SLC24A3: variants seen among roughly 807,000 people sequenced by gnomAD.
The protein encoded by SLC24A3 is solute carrier family 24 member 3, also known as sodium/potassium/calcium exchanger 3.
Under a neutral mutation model 75.8 loss-of-function variants are expected in SLC24A3, and 28 were observed. The observed-to-expected ratio is 0.37, with a 90% CI of 0.27 to 0.51. The LOEUF (loss-of-function observed/expected upper bound fraction) is 0.51. Ranked by LOEUF, SLC24A3 falls within the 20% of genes least tolerant of loss-of-function variation. SLC24A3 has a pLI of 0.94. For missense variants in SLC24A3, 663 were observed against 847.8 expected, an observed-to-expected ratio of 0.78 and a Z score of 2.71; for synonymous variants, 372 against 334.1, an observed-to-expected ratio of 1.11 and a Z score of -1.24.
intron 2 of SLC24A3, among the ~76,000 whole-genome samples, chr20:19,418,079 G>T (rs1002696630): frequency 2.6e-5 from 4 of 152,128 alleles, no homozygotes; most frequent in African/African-American, 7.2e-5. Context: ...CACAGAAACA[G>T]AGCTTTCAGT....
intron 12 of SLC24A3, among the ~76,000 whole-genome samples, chr20:19,685,860 C>T (rs1568697871): frequency 6.6e-6 from 1 of 152,140 alleles, no homozygotes; most frequent in African/African-American, 2.4e-5. Flanking sequence ...AGGAAATAGG[C>T]AGTCCATCAG....
intron 2 of SLC24A3, among the ~76,000 whole-genome samples, chr20:19,515,141 T>G (rs1304470396): frequency 1.3e-5 from 2 of 152,220 alleles, no homozygotes; most frequent in African/African-American, 4.8e-5. Context: ...ATTTGCAATA[T>G]AGTAGTTCAC....
Position 19,721,256 on chromosome 20 carries a change from C to A in SLC24A3, c.*116C>A. The A allele has an allele frequency of 7.5e-7, 1 of 1,339,882 alleles. No individual in the cohort carries two copies. The highest frequency in any genetic ancestry group is 1.0e-6 in the Non-Finnish European group (1 of 980,318). 83.0% of individuals were successfully genotyped at this position (1,339,882 alleles called of 1,614,324 possible). On this transcript the variant is annotated 3_prime_UTR_variant, in exon 17 of 17. Transcript: ENST00000328041. ...CGGCGTTCGTCTCTCCTGTGCTGTC[C>A]TCAGGCCTCCGCTCCTGTTTTGGTG...
chr20:19,685,143 C>A lies in SLC24A3; in HGVS notation c.1106C>A (p.Ser369Tyr). 6.2e-7 allele frequency: 1 copy of A among 1,613,674 alleles called. No individual in the cohort carries two copies. Among genetic ancestry groups the A allele is most frequent in the African/African-American group, 1.3e-5 (1 of 75,012 alleles). ...INSRAYTNGE[S>Y]EVAIKIPIKH... is the part of the protein sequence containing the mutation. ...AGCAGGGCTTATACCAACGGGGAAT[C>A]TGAGGTGGCCATCAAAATCCCAATT... The change falls in exon 12 of 17, where the codon TCT becomes TAT. Residue 369 changes from serine (S) to tyrosine (Y), a missense_variant. By Grantham distance (144) the Ser-to-Tyr change is moderately radical. Around this residue, in one of 2 missense-constraint regions of SLC24A3, gnomAD observed 510 missense variants for 703.6 expected, o/e 0.72. Transcript: ENST00000328041.
intron 15 of SLC24A3, among the ~76,000 whole-genome samples, chr20:19,704,011 A>G (rs925545505): frequency 3.3e-5 from 5 of 152,316 alleles, no homozygotes; most frequent in African/African-American, 1.2e-4. Context: ...GCTTACCTTT[A>G]CCCCTTGGTC....
intron 2 of SLC24A3, among the ~76,000 whole-genome samples, chr20:19,342,871 C>T (rs1163328534): frequency 6.6e-6 from 1 of 151,790 alleles, no homozygotes; most frequent in African/African-American, 2.4e-5. Context: ...GAGATTGAGA[C>T]CATCCTGGCT....
At chr20:19,429,436 G>A (rs1021744164) in intron 2 of SLC24A3, among the ~76,000 whole-genome samples, 8 of 152,246 alleles carry the variant, frequency 5.3e-5, no homozygotes, top group Non-Finnish European at 1.0e-4. Flanking sequence ...CTTGAAAGAA[G>A]CCTATGGAAA....
rs11474288 is a variant in SLC24A3, at chr20:19,425,302, C to CAAA, written c.272-90175_272-90173dup. Reference sequence around the variant, plus strand: ...TAGGTGACAGAGTGAGACTCCGTCTCAAAAAAAAAAAAATTAATTACTGGG... The same window carrying CAAA: ...TAGGTGACAGAGTGAGACTCCGTCTCAAAAAAAAAAAAAAAATTAATTACTGGG... On this transcript the variant is annotated intron_variant, in intron 2 of 16. Transcript: ENST00000328041. Among the ~76,000 whole-genome samples, 236 of 147,440 alleles carry CAAA rather than the reference C, an allele frequency of 1.6e-3. 3 individuals are homozygous for CAAA. Among genetic ancestry groups the CAAA allele is most frequent in the East Asian group, 8.4e-3 (42 of 4,984 alleles).
intron 3 of SLC24A3, among the ~76,000 whole-genome samples, chr20:19,537,710 G>A (rs2122583482): frequency 6.6e-6 from 1 of 152,218 alleles, no homozygotes; most frequent in Middle Eastern, 3.4e-3. Context: ...AAAAAATGAT[G>A]AGTTCATGTC....
chr20:19,594,671 G>T lies in SLC24A3; in HGVS notation c.612+9127G>T, dbSNP rs187975658. ...AAATACTCAACAGAGGTGATAGATTGGTAGGTAGGTGAGTGGGTGGGTGGC... is the reference window on the plus strand; with the variant it reads ...AAATACTCAACAGAGGTGATAGATTTGTAGGTAGGTGAGTGGGTGGGTGGC... On this transcript the variant is annotated intron_variant, in intron 6 of 16. Transcript: ENST00000328041. Among the ~76,000 whole-genome samples the T allele has an allele frequency of 2.2e-3, 337 of 152,310 alleles. 1 individual carries two copies. The Middle Eastern group carries it at 0.037, about 17-fold the overall frequency.
chr20:19,214,887 T>C (rs1981511730), intron 1 of SLC24A3, among the ~76,000 whole-genome samples: 1 of 152,102 alleles, frequency 6.6e-6, no homozygotes, highest in Non-Finnish European at 1.5e-5. Flanking sequence ...TCCTCCCTTC[T>C]CATCTCTGTT....
intron 3 of SLC24A3, among the ~76,000 whole-genome samples, chr20:19,561,954 C>A (rs1214818818): frequency 6.6e-6 from 1 of 152,140 alleles, no homozygotes. Flanking sequence ...TAGCAAATTT[C>A]TTCCATTCCT....
intron 2 of SLC24A3, among the ~76,000 whole-genome samples, chr20:19,417,563 T>A (rs1387013147): frequency 2.6e-5 from 4 of 152,162 alleles, no homozygotes; most frequent in African/African-American, 9.7e-5. Context: ...TTGAGAAACC[T>A]TGAAAGCTTC....
In SLC24A3 at chr20:19,471,275, C is replaced by T. The variant is rs116067826; in HGVS notation, c.272-44213C>T. 2.5e-3 allele frequency among the ~76,000 whole-genome samples: 382 copies of T among 152,280 alleles called. 1 individual carries two copies. The highest frequency in any genetic ancestry group is 8.9e-3 in the African/African-American group (369 of 41,540). On this transcript the variant is annotated intron_variant, in intron 2 of 16. Transcript: ENST00000328041. The stretch of plus-strand genomic sequence containing the variant: ...GAGATCCCCAGATTTGCCCAGTCTT[C>T]GCTCTAAACTGCTGTTTTGGTCAGT...
rs138426111 is a variant in SLC24A3, at chr20:19,506,901, C to T, written c.272-8587C>T. On this transcript the variant is annotated intron_variant, in intron 2 of 16. Coordinates refer to ENST00000328041, the MANE Select transcript of SLC24A3 (RefSeq NM_020689.4). ...TGTTATTAAGATATGATCTTTAGAACGAGACAAAAATTCAAAAGATGATCT... is the reference window on the plus strand; with the variant it reads ...TGTTATTAAGATATGATCTTTAGAATGAGACAAAAATTCAAAAGATGATCT... Among the ~76,000 whole-genome samples, 1,033 of 152,220 alleles carry T rather than the reference C, an allele frequency of 6.8e-3. 5 individuals carry two copies. Among genetic ancestry groups the T allele is most frequent in the Middle Eastern group, 0.027 (8 of 294 alleles).
At chr20:19,673,939 G>A (rs1474075783) in intron 9 of SLC24A3, among the ~76,000 whole-genome samples, 1 of 152,174 alleles carries the variant, frequency 6.6e-6, no homozygotes, top group African/African-American at 2.4e-5. Context: ...GCTCTGGGAG[G>A]TTTCTTCACT....
At chr20:19,641,254 C>T (rs370458123) in intron 6 of SLC24A3, among the ~76,000 whole-genome samples, 2 of 152,292 alleles carry the variant, frequency 1.3e-5, no homozygotes, top group South Asian at 4.1e-4. Context: ...TCTGAGATCT[C>T]TGTCCACAGT....
intron 2 of SLC24A3, among the ~76,000 whole-genome samples, chr20:19,399,932 C>T (rs1032535712): frequency 6.6e-6 from 1 of 152,226 alleles, no homozygotes; most frequent in Non-Finnish European, 1.5e-5. Flanking sequence ...GACGAAACAT[C>T]TAATCTGCTG....
chr20:19,495,688 C>T (rs1020461204), intron 2 of SLC24A3, among the ~76,000 whole-genome samples: 2 of 152,202 alleles, frequency 1.3e-5, no homozygotes, highest in Admixed American at 1.3e-4. Context: ...CCAATCTTGC[C>T]CTGACCATTC....
Sources: allele counts gnomAD v4.1 joint callset (sites outside exome capture counted in the v4.1 genomes callset), GRCh38; gene constraint gnomAD v4.1.1; regional missense constraint gnomAD v4.1.1; transcripts MANE v1.5; gene names NCBI Gene and HGNC (gene_info 2026-07-23, HGNC 2026-07-21).